PPM1D: variants seen among roughly 807,000 people sequenced by gnomAD.
The protein encoded by PPM1D is protein phosphatase 1D.
Under a neutral mutation model 58.3 loss-of-function variants are expected in PPM1D, and 52 were observed. The observed-to-expected ratio is 0.89, with a 90% confidence interval of 0.71 to 1.12. PPM1D has a LOEUF of 1.12. Ranked by LOEUF, PPM1D falls within the 50% of genes most tolerant of loss-of-function variation. The probability of loss-of-function intolerance (pLI) is 0.00; values close to 1 mark genes in which losing one functional copy is unlikely to be tolerated. For synonymous variants in PPM1D, 278 were observed against 285.1 expected (o/e 0.98, Z 0.25); for missense variants, 564 against 777.2 (o/e 0.73, Z 3.26).
chr17:60,623,877 TTGTC>T, intron 2 of PPM1D, 128 bp downstream of exon 2: 1 of 879,574 alleles, frequency 1.1e-6, no homozygotes, highest in Non-Finnish European at 1.7e-6. Flanking sequence ...GTTTTTTAGT[TTGTC>T]TGATGTAATA....
In PPM1D at chr17:60,646,624, T is replaced by C. The variant is rs545575440; in HGVS notation, c.827-1268T>C. 1.1e-4 allele frequency among the ~76,000 whole-genome samples: 17 copies of C among 152,352 alleles called. No individual in the cohort carries two copies. The South Asian group carries it at 3.1e-3, about 28-fold the overall frequency. ...ATATTGTTTCATTTATGTTGTCTTA[T>C]ATATTACAGAAAAGTAGATGGTTTC... On this transcript the variant is annotated intron_variant, in intron 3 of 5. Transcript: ENST00000305921.
chr17:60,605,119 T>TA (rs1275593421), intron 1 of PPM1D, among the ~76,000 whole-genome samples: 6 of 152,304 alleles, frequency 3.9e-5, no homozygotes, highest in African/African-American at 1.4e-4. Context: ...GGAATATTCT[T>TA]AAGTGAAACT....
chr17:60,609,116 CAG>C lies in PPM1D; in HGVS notation c.472+8233_472+8234del, dbSNP rs1383110135. Among the ~76,000 whole-genome samples, 3 of 151,596 alleles carry C rather than the reference CAG, an allele frequency of 2.0e-5. 1 individual carries two copies. Among genetic ancestry groups the C allele is most frequent in the South Asian group, 4.2e-4 (2 of 4,812 alleles). ...TTGTTTGTTTGTTTGTTTTTTAAGA[CAG>C]AGTCTTGCTTAATCTCCCGGGCTGG... On this transcript the variant is annotated intron_variant, in intron 1 of 5. Coordinates refer to ENST00000305921, the MANE Select transcript of PPM1D (RefSeq NM_003620.4).
At chr17:60,624,348 G>A (rs891407315) in intron 2 of PPM1D, among the ~76,000 whole-genome samples, 10 of 152,104 alleles carry the variant, frequency 6.6e-5, no homozygotes, top group African/African-American at 2.2e-4. Context: ...TAAAAATTGA[G>A]GATATGAGGC....
At chr17:60,624,780 C>A (rs776062970) in intron 2 of PPM1D, among the ~76,000 whole-genome samples, 1 of 151,428 alleles carries the variant, frequency 6.6e-6, no homozygotes. Context: ...GAGCAAAACA[C>A]CATCTCAAAA....
chr17:60,646,127 T>G (rs2031246927), intron 3 of PPM1D, among the ~76,000 whole-genome samples: 1 of 152,146 alleles, frequency 6.6e-6, no homozygotes, highest in Non-Finnish European at 1.5e-5. Context: ...TTTTATTATT[T>G]CGTCAACCAG....
intron 3 of PPM1D, among the ~76,000 whole-genome samples, chr17:60,645,548 A>ATATATGTGTGTGTGTATATATG (rs1598410243): frequency 1.6e-5 from 2 of 127,382 alleles, no homozygotes; most frequent in East Asian, 2.3e-4. Context: ...ATATATATGT[A>ATATATGTGTGTGTGTATATATG]TATATATGTG....
chr17:60,642,019 A>G (rs534983624), intron 3 of PPM1D, among the ~76,000 whole-genome samples: 116 of 152,382 alleles, frequency 7.6e-4, no homozygotes, highest in Non-Finnish European at 1.4e-3. Flanking sequence ...CAGGACCTAC[A>G]GAAATGATGT....
At chr17:60,646,559 G>A (rs958348854) in intron 3 of PPM1D, among the ~76,000 whole-genome samples, 1 of 152,190 alleles carries the variant, frequency 6.6e-6, no homozygotes, top group South Asian at 2.1e-4. Flanking sequence ...TCTCCTTTCT[G>A]TCTCCTCTTC....
chr17:60,617,011 G>A (rs751274306), intron 1 of PPM1D, among the ~76,000 whole-genome samples: 28 of 151,950 alleles, frequency 1.8e-4, no homozygotes, highest in Non-Finnish European at 2.6e-4. Flanking sequence ...GCAGTGGCAC[G>A]ATTATAGCTC....
Position 60,600,422 on chromosome 17 carries a change from G to A in PPM1D, c.8G>A (p.Gly3Glu). The stretch of plus-strand genomic sequence containing the variant: ...GATCCCGGCCAGCCGGCCATGGCGG[G>A]GCTGTACTCGCTGGGAGTGAGCGTC... MA[G>E]LYSLGVSVFS... The change falls in exon 1 of 6, where the codon GGG becomes GAG. Residue 3 changes from glycine (G) to glutamate (E), a missense_variant. This residue lies in a region of PPM1D where 132 missense variants were observed against 150.4 expected (regional missense o/e 0.88). Coordinates refer to ENST00000305921, the MANE Select transcript of PPM1D (RefSeq NM_003620.4). 1 of 1,549,766 alleles carries A rather than the reference G, an allele frequency of 6.5e-7. No individual in the cohort carries two copies. Among genetic ancestry groups the A allele is most frequent in the South Asian group, 1.2e-5 (1 of 84,148 alleles).
At chr17:60,637,403 G>C (rs965686107) in intron 3 of PPM1D, among the ~76,000 whole-genome samples, 1 of 152,092 alleles carries the variant, frequency 6.6e-6, no homozygotes, top group Admixed American at 6.6e-5. Context: ...ACTGTGCCCC[G>C]CTCCTACTCA....
intron 3 of PPM1D, among the ~76,000 whole-genome samples, chr17:60,637,126 G>A (rs183020388): frequency 6.6e-6 from 1 of 152,008 alleles, no homozygotes; most frequent in Non-Finnish European, 1.5e-5. Flanking sequence ...GCGCCCCCAC[G>A]CCCGGCTAAT....
chr17:60,643,216 G>A (rs2031171785), intron 3 of PPM1D, among the ~76,000 whole-genome samples: 1 of 151,684 alleles, frequency 6.6e-6, no homozygotes, highest in African/African-American at 2.4e-5. Context: ...CCCATCTGTA[G>A]AAAAAAATAC....
intron 2 of PPM1D, among the ~76,000 whole-genome samples, chr17:60,628,128 G>A (rs2030847649): frequency 2.0e-5 from 3 of 152,162 alleles, no homozygotes; most frequent in Admixed American, 2.0e-4. Context: ...CATTTCAGGT[G>A]TGAGCCACTG....
intron 2 of PPM1D, 22 bp downstream of exon 2, chr17:60,623,771 T>G: frequency 1.2e-6 from 2 of 1,607,898 alleles, no homozygotes; most frequent in Non-Finnish European, 1.7e-6. Context: ...TCGTTTTCTC[T>G]TTCCTCTTTT....
At chr17:60,601,256 A>G (rs1192463660) in intron 1 of PPM1D, among the ~76,000 whole-genome samples, 1 of 152,164 alleles carries the variant, frequency 6.6e-6, no homozygotes, top group African/African-American at 2.4e-5. Context: ...GGCGAAGGAA[A>G]AACTGTAGTG....
rs528181537 is a variant in PPM1D, at chr17:60,606,452, A to G, written c.472+5566A>G. On this transcript the variant is annotated intron_variant, in intron 1 of 5. Transcript: ENST00000305921. ...GGATCATATGGTAATTCTATGTTTAACATTTTAAGGACTTGCCAAACTGTT... is the reference window on the plus strand; with the variant it reads ...GGATCATATGGTAATTCTATGTTTAGCATTTTAAGGACTTGCCAAACTGTT... Among the ~76,000 whole-genome samples the G allele has an allele frequency of 2.0e-5, 3 of 152,288 alleles. No homozygotes were observed. The South Asian group carries it at 6.2e-4, about 32-fold the overall frequency.
In PPM1D at chr17:60,600,223, C is replaced by G. The variant is rs574652069; in HGVS notation, c.-192C>G. 52 of 1,161,782 alleles carry G rather than the reference C, an allele frequency of 4.5e-5. No individual in the cohort carries two copies. The highest frequency in any genetic ancestry group is 3.0e-4 in the Middle Eastern group (1 of 3,316). The allele number at this position is 1,161,782 out of a possible 1,614,324, so 72.0% of individuals were successfully genotyped here. A position where few individuals can be genotyped will look rare whatever the true frequency, so the allele number is the denominator to read the frequency against. ...GCAGGCGCAACTGCCTGGCTCTGCT[C>G]GCTCCGGCGCTCCGGCCCAGCTCTC... On this transcript the variant is annotated 5_prime_UTR_variant, in exon 1 of 6. Coordinates refer to ENST00000305921, the MANE Select transcript of PPM1D (RefSeq NM_003620.4).
Sources: allele counts gnomAD v4.1 joint callset (sites outside exome capture counted in the v4.1 genomes callset), GRCh38; gene constraint gnomAD v4.1.1; regional missense constraint gnomAD v4.1.1; transcripts MANE v1.5; gene names NCBI Gene and HGNC (gene_info 2026-07-23, HGNC 2026-07-21).